SLC7A2: variants seen among roughly 807,000 people sequenced by gnomAD.
SLC7A2 encodes the protein cationic amino acid transporter 2.
In SLC7A2, 48 loss-of-function variants were observed where a neutral mutation model predicts 58.9. That is an observed-to-expected ratio of 0.82 (90% CI 0.65 to 1.04). The LOEUF is 1.04. Ranked by LOEUF, SLC7A2 falls within the 50% of genes least tolerant of loss-of-function variation. The pLI is 0.00. For synonymous variants in SLC7A2, 363 were observed against 314.5 expected (o/e 1.15, Z -1.63); for missense variants, 1,029 against 818.8 (o/e 1.26, Z -3.13).
chr8:17,554,899 A>C, intron 8 of SLC7A2, 200 bp downstream of exon 8: 2 of 1,606,828 alleles, frequency 1.2e-6, no homozygotes, highest in African/African-American at 2.7e-5. Flanking sequence ...TGTCTAGAAT[A>C]ATCCTTAAAA....
chr8:17,540,844 GC>G (rs1563461697), intron 2 of SLC7A2, among the ~76,000 whole-genome samples: 1 of 152,082 alleles, frequency 6.6e-6, no homozygotes, highest in African/African-American at 2.4e-5. Context: ...AATCCTATTA[GC>G]CCCCGAATCT....
chr8:17,522,384 T>G (rs1331178304), intron 2 of SLC7A2, among the ~76,000 whole-genome samples: 2 of 152,080 alleles, frequency 1.3e-5, no homozygotes, highest in East Asian at 3.9e-4. Flanking sequence ...CAAGATGAGA[T>G]TTGGGTGGGG....
intron 2 of SLC7A2, among the ~76,000 whole-genome samples, chr8:17,505,967 A>T (rs1013201870): frequency 6.6e-6 from 1 of 152,234 alleles, no homozygotes; most frequent in Non-Finnish European, 1.5e-5. Context: ...AAGGTATAAT[A>T]TTGAGACGAA....
At chr8:17,554,770 A>C in intron 8 of SLC7A2, 71 bp downstream of exon 8, 1 of 1,486,152 alleles carries the variant, frequency 6.7e-7, no homozygotes, top group Non-Finnish European at 9.1e-7. Flanking sequence ...TAAAAATACA[A>C]AGCTAGGTGG....
intron 2 of SLC7A2, among the ~76,000 whole-genome samples, chr8:17,535,754 T>C (rs1421351080): frequency 6.6e-6 from 1 of 151,382 alleles, no homozygotes; most frequent in Non-Finnish European, 1.5e-5. Context: ...AATACAAAAA[T>C]TAGCTAAGTG....
At chr8:17,503,329 T>C (rs941621699) in intron 2 of SLC7A2, among the ~76,000 whole-genome samples, 1 of 152,012 alleles carries the variant, frequency 6.6e-6, no homozygotes, top group Non-Finnish European at 1.5e-5. Flanking sequence ...GGATTACAGG[T>C]GTGAGCCACC....
At chr8:17,531,569 G>T (rs1801452412) in intron 2 of SLC7A2, among the ~76,000 whole-genome samples, 1 of 151,724 alleles carries the variant, frequency 6.6e-6, no homozygotes, top group Non-Finnish European at 1.5e-5. Flanking sequence ...AATTCCTATT[G>T]ATCAATGATT....
chr8:17,505,472 C>A (rs1009943578), intron 2 of SLC7A2, among the ~76,000 whole-genome samples: 2 of 152,100 alleles, frequency 1.3e-5, no homozygotes, highest in Non-Finnish European at 2.9e-5. Flanking sequence ...AGCAATGACC[C>A]TTCTCAACTA....
chr8:17,535,911 A>T (rs1348348270), intron 2 of SLC7A2, among the ~76,000 whole-genome samples: 1 of 151,980 alleles, frequency 6.6e-6, no homozygotes, highest in East Asian at 1.9e-4. Flanking sequence ...TCAAAACAAA[A>T]ATTTTTTTTA....
intron 2 of SLC7A2, among the ~76,000 whole-genome samples, chr8:17,535,536 G>A (rs1801627840): frequency 2.0e-5 from 3 of 152,194 alleles, no homozygotes; most frequent in Admixed American, 2.0e-4. Flanking sequence ...CCTATTTATG[G>A]TTGTTTCAGG....
intron 2 of SLC7A2, among the ~76,000 whole-genome samples, chr8:17,522,797 A>T (rs900855874): frequency 6.6e-6 from 1 of 152,102 alleles, no homozygotes; most frequent in African/African-American, 2.4e-5. Context: ...ACACTTTGGG[A>T]AGCTGAGATA....
chr8:17,541,512 A>G lies in SLC7A2; in HGVS notation c.-22-1806A>G, dbSNP rs1247938963. Among the ~76,000 whole-genome samples, 3 of 152,192 alleles carry G rather than the reference A, an allele frequency of 2.0e-5. No homozygotes were observed. In the East Asian group the frequency reaches 5.8e-4, roughly 29 times the overall value. On this transcript the variant is annotated intron_variant, in intron 2 of 12. Coordinates refer to ENST00000494857, the MANE Select transcript of SLC7A2 (RefSeq NM_001370338.1). ...GTGTGAAAGTTTGTTTTTATCATCA[A>G]GGAACGTGTCCTCTATTTTTTATTT...
rs529263858 is a variant in SLC7A2, at chr8:17,567,548, A to G, written c.*2402A>G. 8 of 150,858 alleles carry G rather than the reference A, an allele frequency of 5.3e-5. No homozygotes were observed. Among genetic ancestry groups the G allele is most frequent in the African/African-American group, 2.0e-4 (8 of 40,212 alleles). 9.3% of individuals were successfully genotyped at this position (150,858 alleles called of 1,614,324 possible). A position where few individuals can be genotyped will look rare whatever the true frequency, so the allele number is the denominator to read the frequency against. On this transcript the variant is annotated 3_prime_UTR_variant, in exon 13 of 13. Coordinates refer to ENST00000494857, the MANE Select transcript of SLC7A2 (RefSeq NM_001370338.1). ...TGTTTGTATGTTTGTTAACAGTTAC[A>G]TATGTTTGTATGAGTGTATATATAT...
intron 5 of SLC7A2, among the ~76,000 whole-genome samples, chr8:17,549,443 A>G (rs11998060): frequency 6.6e-6 from 1 of 152,206 alleles, no homozygotes; most frequent in Admixed American, 6.5e-5. Context: ...TCCCAGCCTC[A>G]AGCTCTGCTC....
In SLC7A2 at chr8:17,548,785, A is replaced by C. The variant is rs758855298; in HGVS notation, c.640A>C (p.Asn214His). The change falls in exon 5 of 13, where the codon AAT (asparagine) becomes CAT (histidine). Residue 214 changes from asparagine (N) to histidine (H), a missense_variant. Transcript: ENST00000494857. Reference protein sequence around the residue: ...FVMVAGFVKGNVANWKISEEF... With the variant: ...FVMVAGFVKGHVANWKISEEF... ...GATGGTTGCTGGGTTTGTGAAAGGA[A>C]ATGTGGCAAACTGGAAGATTAGTGA... 5 of 1,613,992 alleles carry C rather than the reference A, an allele frequency of 3.1e-6. No homozygotes were observed. The East Asian group carries it at 1.1e-4, about 36-fold the overall frequency.
chr8:17,550,153 G>A, intron 5 of SLC7A2, 148 bp from the exon 6 acceptor site: 2 of 703,574 alleles, frequency 2.8e-6, no homozygotes, highest in Non-Finnish European at 4.7e-6. Flanking sequence ...GTAGCACAGG[G>A]TGAGAGAGTA....
Position 17,537,377 on chromosome 8 carries a change from C to T in SLC7A2, c.-22-5941C>T, listed in dbSNP as rs78979637. Reference sequence around the variant, plus strand: ...CACCCTGTGTGGCTTCTACTGCCAGCCTGTGGGTTTCTGCACCTTGTCAAG... The same window carrying T: ...CACCCTGTGTGGCTTCTACTGCCAGTCTGTGGGTTTCTGCACCTTGTCAAG... On this transcript the variant is annotated intron_variant, in intron 2 of 12. Coordinates refer to ENST00000494857, the MANE Select transcript of SLC7A2 (RefSeq NM_001370338.1). Among the ~76,000 whole-genome samples the T allele has an allele frequency of 8.1e-3, 1,235 of 152,256 alleles. 8 individuals carry two copies. Among genetic ancestry groups the T allele is most frequent in the South Asian group, 0.023 (113 of 4,824 alleles).
chr8:17,546,168 T>A (rs1425714414), intron 4 of SLC7A2, among the ~76,000 whole-genome samples: 1 of 152,234 alleles, frequency 6.6e-6, no homozygotes, highest in East Asian at 1.9e-4. Context: ...TATTTAGGGA[T>A]CATTTTAATG....
At chr8:17,549,909 G>A (rs992468917) in intron 5 of SLC7A2, among the ~76,000 whole-genome samples, 6 of 152,118 alleles carry the variant, frequency 3.9e-5, no homozygotes, top group Admixed American at 2.0e-4. Context: ...TGCCTTACTC[G>A]ATGCTTTATG....
Sources: allele counts gnomAD v4.1 joint callset (sites outside exome capture counted in the v4.1 genomes callset), GRCh38; gene constraint gnomAD v4.1.1; transcripts MANE v1.5; gene names NCBI Gene and HGNC (gene_info 2026-07-23, HGNC 2026-07-21).